TSPEAR: variants seen among roughly 807,000 people sequenced by gnomAD.
TSPEAR encodes the protein thrombospondin type laminin G domain and EAR repeats, also known as thrombospondin-type laminin G domain and EAR repeat-containing protein.
A neutral mutation model predicts 71.6 loss-of-function variants in TSPEAR; 69 were observed. That is an observed-to-expected ratio of 0.96 (90% CI 0.79 to 1.18). TSPEAR has a LOEUF of 1.18. Among genes scored for constraint, TSPEAR ranks in the 50% most tolerant of loss-of-function variants. The pLI is 0.00. For missense variants in TSPEAR, 971 were observed against 894.9 expected (o/e 1.09, Z -1.09); for synonymous variants, 402 against 387.2 (o/e 1.04, Z -0.45).
At chr21:44,583,625 TTTCTAC>T (rs1466485248) in intron 1 of TSPEAR, among the ~76,000 whole-genome samples, 3 of 152,188 alleles carry the variant, frequency 2.0e-5, no homozygotes, top group Non-Finnish European at 4.4e-5. Flanking sequence ...TCCAGTGGCT[TTTCTAC>T]TTCTATTTTA....
In TSPEAR at chr21:44,600,806, A is replaced by C. The variant is rs4818725; in HGVS notation, c.83-32801T>G. On this transcript the variant is annotated intron_variant, in intron 1 of 11. Transcript: ENST00000323084. ...AGCCTGGTCTGCACCCCAGTGAGCT[A>C]TGTGTCCAGCCCCTGCTGCCGAGTG... The C allele has an allele frequency of 1.0e-5, 16 of 1,583,108 alleles. 1 individual carries two copies. In the African/African-American group the frequency reaches 2.2e-4, roughly 22 times the overall value.
At chr21:44,640,272 G>A (rs1282488929) in intron 1 of TSPEAR, among the ~76,000 whole-genome samples, 1 of 152,250 alleles carries the variant, frequency 6.6e-6, no homozygotes, top group African/African-American at 2.4e-5. Context: ...CATGAGCCTT[G>A]AAAGCATGAT....
At chr21:44,574,721 C>T (rs781857789) in intron 1 of TSPEAR, 4 of 1,609,336 alleles carry the variant, frequency 2.5e-6, no homozygotes, top group Non-Finnish European at 3.4e-6. Flanking sequence ...GCGTGCCCGT[C>T]TGCTGCAAGC....
intron 1 of TSPEAR, chr21:44,697,999 C>T: frequency 1.3e-6 from 2 of 1,555,626 alleles, no homozygotes; most frequent in Non-Finnish European, 1.7e-6. Context: ...GGCCACTGGG[C>T]ACTATGAGTC....
At position 44,701,828 on chromosome 21, in the gene TSPEAR, C is replaced by T. The variant is rs1391546209; in HGVS notation, c.82+9605G>A. Among the ~76,000 whole-genome samples, 6 of 151,730 alleles carry T rather than the reference C, an allele frequency of 4.0e-5. No homozygotes were observed. The South Asian group carries it at 1.2e-3, about 31-fold the overall frequency. ...AACAGGCCACGGCTGTAGTGGTCCC[C>T]GTCCCGGGGTTGGGACCCCCTGCTA... On this transcript the variant is annotated intron_variant, in intron 1 of 11. Transcript: ENST00000323084.
intron 9 of TSPEAR, among the ~76,000 whole-genome samples, chr21:44,521,081 G>A (rs1490018455): frequency 1.3e-5 from 2 of 152,190 alleles, no homozygotes; most frequent in Non-Finnish European, 2.9e-5. Context: ...CCAGGTCAGG[G>A]GGCACAGAAG....
At position 44,546,599 on chromosome 21, in the gene TSPEAR, A is replaced by T. The variant is rs587656210; in HGVS notation, c.304-12676T>A. Among the ~76,000 whole-genome samples, 7 of 152,326 alleles carry T rather than the reference A, an allele frequency of 4.6e-5. No individual in the cohort carries two copies. Among genetic ancestry groups the T allele is most frequent in the African/African-American group, 1.7e-4 (7 of 41,564 alleles). ...TGCCTTGGCCTCCCAAAGTGCTGGG[A>T]TTACAGGCATGAGCCACTGCGCCCG... On this transcript the variant is annotated intron_variant, in intron 2 of 11. Transcript: ENST00000323084. The surrounding 1 kb of genome is among the most constrained non-coding windows in gnomAD (Gnocchi z 4.4).
chr21:44,667,078 C>A lies in TSPEAR; in HGVS notation c.82+44355G>T, dbSNP rs587754515. ...GTAGGTGTCTCTGGGTTTTGTTTGG[C>A]CCTTAGCTTCATGACTAATTGCACC... is the stretch of plus-strand genomic sequence containing the variant. On this transcript the variant is annotated intron_variant, in intron 1 of 11. Coordinates refer to ENST00000323084, the MANE Select transcript of TSPEAR (RefSeq NM_144991.3). Among the ~76,000 whole-genome samples the A allele has an allele frequency of 6.6e-5, 10 of 152,280 alleles. 1 individual carries two copies. The South Asian group carries it at 2.1e-3, about 32-fold the overall frequency.
rs1984103444 is a variant in TSPEAR, at chr21:44,642,998, C to T, written c.82+68435G>A. 6.6e-6 allele frequency among the ~76,000 whole-genome samples: 1 copy of T among 152,110 alleles called. No individual in the cohort carries two copies. Among genetic ancestry groups the T allele is most frequent in the Admixed American group, 6.5e-5 (1 of 15,278 alleles). On this transcript the variant is annotated intron_variant, in intron 1 of 11. Transcript: ENST00000323084. The surrounding 1 kb of genome is among the most constrained non-coding windows in gnomAD (Gnocchi z 4.1). ...AGCACTATTCACAACAGCAAAGATACGGAAGCAACATAAGTGATCATCAAC... is the reference window on the plus strand; with the variant it reads ...AGCACTATTCACAACAGCAAAGATATGGAAGCAACATAAGTGATCATCAAC...
intron 11 of TSPEAR, among the ~76,000 whole-genome samples, chr21:44,500,258 C>T (rs180705112): frequency 2.6e-5 from 4 of 152,314 alleles, no homozygotes; most frequent in Admixed American, 1.3e-4. Context: ...TCGTGAGGTG[C>T]GTGACTTTCC....
At position 44,620,081 on chromosome 21, in the gene TSPEAR, A is replaced by G. The variant is rs368733543; in HGVS notation, c.83-52076T>C. Among the ~76,000 whole-genome samples, 8 of 152,384 alleles carry G rather than the reference A, an allele frequency of 5.2e-5. 1 individual carries two copies. The highest frequency in any genetic ancestry group is 1.3e-4 in the Admixed American group (2 of 15,312). ...GTCAAAACAAAGAGAGAATGTAAAA[A>G]GCAGTGGGACGGAAGACTAACAGCG... On this transcript the variant is annotated intron_variant, in intron 1 of 11. Transcript: ENST00000323084.
chr21:44,527,626 T>G, intron 6 of TSPEAR, 108 bp from the exon 7 acceptor site: 2 of 1,046,254 alleles, frequency 1.9e-6, no homozygotes, highest in Non-Finnish European at 2.9e-6. Flanking sequence ...CCACGACTCC[T>G]GCGCCTCAGC....
At chr21:44,532,983 C>T (rs1163203673) in intron 3 of TSPEAR, among the ~76,000 whole-genome samples, 4 of 152,228 alleles carry the variant, frequency 2.6e-5, no homozygotes, top group African/African-American at 9.6e-5. Flanking sequence ...AGGAGTTACT[C>T]TGACTTCCCG....
chr21:44,568,125 A>G (rs914688308), intron 1 of TSPEAR, 120 bp from the exon 2 acceptor site: 23 of 617,930 alleles, frequency 3.7e-5, no homozygotes, highest in Non-Finnish European at 5.2e-5. Flanking sequence ...TATAGCCCCT[A>G]TGAGCTGTGA....
At chr21:44,564,265 A>G (rs1355317594) in intron 2 of TSPEAR, among the ~76,000 whole-genome samples, 1 of 152,218 alleles carries the variant, frequency 6.6e-6, no homozygotes, top group African/African-American at 2.4e-5. Flanking sequence ...AATTCATAAA[A>G]AATGAGGTCA....
At chr21:44,636,257 G>A (rs1983560213) in intron 1 of TSPEAR, among the ~76,000 whole-genome samples, 1 of 152,234 alleles carries the variant, frequency 6.6e-6, no homozygotes, top group Admixed American at 6.5e-5. Flanking sequence ...GACATACGTT[G>A]TATGTGTTCT....
chr21:44,566,170 A>C (rs1308162421), intron 2 of TSPEAR, among the ~76,000 whole-genome samples: 3 of 152,186 alleles, frequency 2.0e-5, no homozygotes, highest in Non-Finnish European at 4.4e-5. Flanking sequence ...ACAGAGTGAG[A>C]CTCTGTCTCA....
chr21:44,666,683 C>A, intron 1 of TSPEAR: 1 of 1,613,030 alleles, frequency 6.2e-7, no homozygotes, highest in Non-Finnish European at 8.5e-7. Context: ...ACTTGAAGCT[C>A]ATGGGCACAC....
chr21:44,663,808 A>C (rs1485492741), intron 1 of TSPEAR, among the ~76,000 whole-genome samples: 1 of 152,138 alleles, frequency 6.6e-6, no homozygotes. Context: ...AGGTTGGTTC[A>C]GTGTTAAAAA....
Sources: gnomAD v4.1 joint callset for allele counts (sites outside exome capture counted in the v4.1 genomes callset) on GRCh38, gnomAD v4.1.1 for gene constraint, Gnocchi (gnomAD v3.1) non-coding constraint, MANE v1.5 for transcripts, NCBI Gene and HGNC (gene_info 2026-07-23, HGNC 2026-07-21) for gene names.